The following TGFA variants were observed in gnomAD, a reference collection of about 807,000 sequenced individuals.
TGFA encodes the protein protransforming growth factor alpha.
TGFA carries 12 observed loss-of-function variants against 21.7 expected under a neutral mutation model. The observed-to-expected ratio is 0.55, with a 90% CI of 0.35 to 0.90. TGFA has a LOEUF of 0.90. TGFA is among the 40% of genes least tolerant of loss of function. The probability of loss-of-function intolerance (pLI) is 0.01; values close to 1 mark genes in which losing one functional copy is unlikely to be tolerated. For synonymous variants in TGFA, 79 were observed against 88.1 expected, an observed-to-expected ratio of 0.90 and a Z score of 0.58; for missense variants, 178 against 210.8, an observed-to-expected ratio of 0.84 and a Z score of 0.96.
chr2:70,522,182 T>C (rs1368222114), intron 1 of TGFA, among the ~76,000 whole-genome samples: 1 of 152,184 alleles, frequency 6.6e-6, no homozygotes, highest in Non-Finnish European at 1.5e-5. Flanking sequence ...TTTTAATACA[T>C]TTATGTTGAA....
At chr2:70,502,321 G>T (rs1553499295) in intron 2 of TGFA, among the ~76,000 whole-genome samples, 1 of 152,256 alleles carries the variant, frequency 6.6e-6, no homozygotes, top group East Asian at 1.9e-4. Flanking sequence ...GGCTTCCTTT[G>T]ATCTGTTTTT....
intron 2 of TGFA, among the ~76,000 whole-genome samples, chr2:70,511,309 G>C (rs1275930191): frequency 6.6e-6 from 1 of 152,094 alleles, no homozygotes; most frequent in Non-Finnish European, 1.5e-5. Context: ...GGTGGGGATG[G>C]TTTCACACCA....
chr2:70,453,153 G>T, intron 5 of TGFA, 65 bp downstream of exon 5: 1 of 1,417,816 alleles, frequency 7.1e-7, no homozygotes, highest in Non-Finnish European at 9.9e-7. Context: ...CTTCTGCCCT[G>T]ACTTGGAGAA....
chr2:70,550,274 CCTT>C (rs1248375372), intron 1 of TGFA, among the ~76,000 whole-genome samples: 2 of 151,988 alleles, frequency 1.3e-5, no homozygotes, highest in African/African-American at 2.4e-5. Flanking sequence ...TGTGTGCAGT[CCTT>C]ATTTTTTTTT....
At chr2:70,463,770 T>G (rs1670471034) in intron 3 of TGFA, among the ~76,000 whole-genome samples, 1 of 152,142 alleles carries the variant, frequency 6.6e-6, no homozygotes, top group Non-Finnish European at 1.5e-5. Flanking sequence ...AGCTTTCTGA[T>G]ATCTGGGTCA....
In TGFA at chr2:70,520,340, C is replaced by T. The variant is rs557178858; in HGVS notation, c.41-5428G>A. ...GGTTTAAATAGTCAAAATTGTGAAA[C>T]CCGGACTCCACTAAAAATACAAAAA... is the stretch of plus-strand genomic sequence containing the variant. On this transcript the variant is annotated intron_variant, in intron 1 of 5. Transcript: ENST00000295400. Among the ~76,000 whole-genome samples the T allele has an allele frequency of 2.6e-5, 4 of 152,086 alleles. No homozygotes were observed. The East Asian group carries it at 7.7e-4, about 29-fold the overall frequency.
At chr2:70,476,138 T>G (rs1553494333) in intron 2 of TGFA, among the ~76,000 whole-genome samples, 4 of 151,106 alleles carry the variant, frequency 2.6e-5, no homozygotes, top group Non-Finnish European at 2.9e-5. Context: ...GATTTTGCTT[T>G]GAGGACTGGA....
intron 5 of TGFA, 111 bp downstream of exon 5, chr2:70,453,103 TCTTC>T (rs1482267947): frequency 1.1e-6 from 1 of 937,228 alleles, no homozygotes; most frequent in African/African-American, 1.6e-5. Context: ...TGAAACAGTC[TCTTC>T]CTTTTCTCCT....
chr2:70,451,781 G>A (rs1186760404), intron 5 of TGFA: 1 of 701,436 alleles, frequency 1.4e-6, no homozygotes, highest in Non-Finnish European at 2.6e-6. Context: ...ATGTTGAGAG[G>A]GGGCTTTAGA....
intron 2 of TGFA, among the ~76,000 whole-genome samples, chr2:70,485,241 C>T (rs1671234622): frequency 6.6e-6 from 1 of 151,952 alleles, no homozygotes; most frequent in Admixed American, 6.6e-5. Context: ...CACAGTCATC[C>T]CCCCCCTTTC....
At chr2:70,472,376 T>C (rs983429352) in intron 2 of TGFA, among the ~76,000 whole-genome samples, 3 of 152,130 alleles carry the variant, frequency 2.0e-5, no homozygotes, top group Non-Finnish European at 4.4e-5. Context: ...TCAGTTCCTG[T>C]TGCCATGAAA....
chr2:70,544,169 C>T (rs1353151995), intron 1 of TGFA, among the ~76,000 whole-genome samples: 2 of 151,956 alleles, frequency 1.3e-5, no homozygotes, highest in Non-Finnish European at 2.9e-5. Flanking sequence ...AAGTCAGCTT[C>T]GTACTTAAGT....
intron 1 of TGFA, among the ~76,000 whole-genome samples, chr2:70,526,513 G>T (rs1398446747): frequency 1.3e-5 from 2 of 152,180 alleles, no homozygotes; most frequent in African/African-American, 4.8e-5. Context: ...AGTTGTATGG[G>T]CAGAATCTCA....
chr2:70,529,927 T>C lies in TGFA; in HGVS notation c.41-15015A>G, dbSNP rs1559137969. Reference sequence around the variant, plus strand: ...GACATGAGAGTTGTCAGACATAGAATATAACAGAAACAGAGCCAGCAGAAC... The same window carrying C: ...GACATGAGAGTTGTCAGACATAGAACATAACAGAAACAGAGCCAGCAGAAC... On this transcript the variant is annotated intron_variant, in intron 1 of 5. Transcript: ENST00000295400. 3.3e-5 allele frequency among the ~76,000 whole-genome samples: 5 copies of C among 152,250 alleles called. No homozygotes were observed. The South Asian group carries it at 1.0e-3, about 32-fold the overall frequency.
At chr2:70,539,457 TTTTG>T (rs1184067617) in intron 1 of TGFA, among the ~76,000 whole-genome samples, 7 of 152,152 alleles carry the variant, frequency 4.6e-5, no homozygotes, top group Non-Finnish European at 7.4e-5. Flanking sequence ...ACTTTGATAT[TTTTG>T]TTTGTTTGTT....
chr2:70,502,604 G>A (rs1553499352), intron 2 of TGFA, among the ~76,000 whole-genome samples: 1 of 152,152 alleles, frequency 6.6e-6, no homozygotes, highest in African/African-American at 2.4e-5. Context: ...ACAGGTGTGA[G>A]CCACCACACC....
chr2:70,474,346 A>G (rs1334966476), intron 2 of TGFA, among the ~76,000 whole-genome samples: 2 of 152,248 alleles, frequency 1.3e-5, no homozygotes, highest in African/African-American at 4.8e-5. Context: ...GAGCTATAGA[A>G]AATTAGGATG....
At chr2:70,466,822 T>C (rs1035172942) in intron 2 of TGFA, among the ~76,000 whole-genome samples, 1 of 152,036 alleles carries the variant, frequency 6.6e-6, no homozygotes, top group Non-Finnish European at 1.5e-5. Flanking sequence ...GAAAATGTAA[T>C]ACATATACAC....
chr2:70,472,951 C>A (rs767881179), intron 2 of TGFA, among the ~76,000 whole-genome samples: 110 of 152,234 alleles, frequency 7.2e-4, no homozygotes, highest in Non-Finnish European at 1.3e-3. Flanking sequence ...TCTTCAGATA[C>A]TACAATGGCA....
Sources: gnomAD v4.1 joint callset for allele counts (sites outside exome capture counted in the v4.1 genomes callset) on GRCh38, gnomAD v4.1.1 for gene constraint, MANE v1.5 for transcripts, NCBI Gene and HGNC (gene_info 2026-07-23, HGNC 2026-07-21) for gene names.